The following NUF2 variants were observed in gnomAD, a reference collection of about 807,000 sequenced individuals.
The protein encoded by NUF2 is NUF2 component of NDC80 kinetochore complex.
A neutral mutation model predicts 61.8 loss-of-function variants in NUF2; 34 were observed. The observed-to-expected ratio is 0.55, with a 90% CI of 0.42 to 0.73. The LOEUF (loss-of-function observed/expected upper bound fraction) is 0.73, where lower values mean the gene tolerates loss of function less well. NUF2 is among the 30% of genes least tolerant of loss of function. The pLI is 0.00. For missense variants in NUF2, 445 were observed against 539.1 expected, an observed-to-expected ratio of 0.83 and a Z score of 1.73; for synonymous variants, 172 against 181.6, an observed-to-expected ratio of 0.95 and a Z score of 0.42.
intron 8 of NUF2, among the ~76,000 whole-genome samples, chr1:163,339,713 T>G (rs1650878815): frequency 6.6e-6 from 1 of 152,048 alleles, no homozygotes; most frequent in South Asian, 2.1e-4. Flanking sequence ...TTTTTAGGGT[T>G]TTCCTAGGTT....
intron 6 of NUF2, 147 bp downstream of exon 6, chr1:163,336,995 C>A (rs1571385051): frequency 3.4e-6 from 2 of 581,416 alleles, no homozygotes; most frequent in East Asian, 2.9e-5. Flanking sequence ...TATTAACTTG[C>A]AGATTTTAGT....
chr1:163,346,187 A>G (rs1406306359), intron 11 of NUF2: 1 of 152,576 alleles, frequency 6.6e-6, no homozygotes, highest in Non-Finnish European at 1.5e-5. Context: ...TCCTTTATGT[A>G]CATACCTATG....
Position 163,347,879 on chromosome 1 carries a change from A to T in NUF2, c.1065A>T (p.Ala355=). The change falls in exon 12 of 14, where the codon GCA becomes GCT. Residue 355 remains alanine, a synonymous_variant. Transcript: ENST00000271452. ...MIVKKEKLAT[A]QFKINKKHED... is the part of the protein sequence containing the mutation. ...TGAAGAAGGAAAAACTTGCCACAGC[A>T]CAATTCAAAATAAATAAGAAGCATG... 1 of 1,609,888 alleles carries T rather than the reference A, an allele frequency of 6.2e-7. No homozygotes were observed. Among genetic ancestry groups the T allele is most frequent in the South Asian group, 1.1e-5 (1 of 89,738 alleles).
chr1:163,345,081 A>G (rs1651077549), intron 10 of NUF2, among the ~76,000 whole-genome samples: 1 of 152,184 alleles, frequency 6.6e-6, no homozygotes, highest in Non-Finnish European at 1.5e-5. Flanking sequence ...GAACATAATT[A>G]CGGTGCATAT....
chr1:163,328,342 C>T (rs1261580522), intron 4 of NUF2, 38 bp downstream of exon 4: 12 of 1,256,766 alleles, frequency 9.5e-6, no homozygotes, highest in African/African-American at 3.0e-5. Context: ...CGTCTACATT[C>T]GTATTTATAT....
chr1:163,338,557 A>G (rs1266240085), intron 7 of NUF2, among the ~76,000 whole-genome samples: 5 of 152,054 alleles, frequency 3.3e-5, no homozygotes, highest in Admixed American at 2.6e-4. Context: ...TTCCTTATAT[A>G]TATATATTGA....
chr1:163,336,918 T>C, intron 6 of NUF2, 70 bp downstream of exon 6: 1 of 973,662 alleles, frequency 1.0e-6, no homozygotes, highest in Non-Finnish European at 1.6e-6. Context: ...ATAATCTGTT[T>C]TGAAATGATT....
intron 11 of NUF2, 136 bp downstream of exon 11, chr1:163,345,954 T>A: frequency 1.8e-6 from 1 of 552,810 alleles, no homozygotes; most frequent in Non-Finnish European, 3.0e-6. Flanking sequence ...TGTGGCAATG[T>A]ATGCTATGAA....
At chr1:163,325,983 T>C in intron 1 of NUF2, 49 bp from the exon 2 acceptor site, 3 of 1,437,002 alleles carry the variant, frequency 2.1e-6, no homozygotes, top group African/African-American at 1.4e-5. Flanking sequence ...TTCCAGATAA[T>C]GAGAACTACT....
At chr1:163,346,692 GA>G (rs1485466292) in intron 11 of NUF2, among the ~76,000 whole-genome samples, 1 of 152,074 alleles carries the variant, frequency 6.6e-6, no homozygotes, top group Non-Finnish European at 1.5e-5. Context: ...TATCTCTACA[GA>G]AAATTTTAAA....
intron 13 of NUF2, among the ~76,000 whole-genome samples, chr1:163,353,606 T>C (rs1457589411): frequency 6.6e-6 from 1 of 152,236 alleles, no homozygotes; most frequent in African/African-American, 2.4e-5. Flanking sequence ...ACTTTAAAAA[T>C]ATTTAACTTC....
intron 5 of NUF2, among the ~76,000 whole-genome samples, chr1:163,332,485 T>G (rs985450216): frequency 1.3e-5 from 2 of 152,104 alleles, no homozygotes; most frequent in African/African-American, 4.8e-5. Flanking sequence ...CTCCTGTAGT[T>G]CTAGTGGTCA....
In NUF2 at chr1:163,348,990, A is replaced by C; in HGVS notation, c.1170A>C (p.Arg390=). 1.2e-6 allele frequency: 2 copies of C among 1,611,298 alleles called. No homozygotes were observed. The highest frequency in any genetic ancestry group is 1.3e-5 in the African/African-American group (1 of 74,930). The change falls in exon 13 of 14, where the codon CGA becomes CGC. Residue 390 remains arginine, a synonymous_variant. Transcript: ENST00000271452. The part of the protein sequence containing the change: ...VQEKRGAVYE[R]VTTINQEIQK... ...AAAAAAGAGGTGCTGTCTATGAACG[A>C]GTAACCACAATTAATCAAGAAATCC...
intron 11 of NUF2, among the ~76,000 whole-genome samples, chr1:163,347,266 C>T (rs1398193891): frequency 6.6e-6 from 1 of 152,230 alleles, no homozygotes; most frequent in Non-Finnish European, 1.5e-5. Flanking sequence ...CAGGCTGCGC[C>T]TCCAGGATAA....
intron 13 of NUF2, among the ~76,000 whole-genome samples, chr1:163,349,461 C>G (rs1392951333): frequency 6.6e-6 from 1 of 151,976 alleles, no homozygotes; most frequent in Admixed American, 6.6e-5. Context: ...AGTGTTCTAC[C>G]AGAACAATAG....
rs1315160702 is a variant in NUF2 at position 163,345,744 on chromosome 1, G to A, written c.874G>A (p.Glu292Lys). 1 of 1,610,704 alleles carries A rather than the reference G, an allele frequency of 6.2e-7. No homozygotes were observed. The highest frequency in any genetic ancestry group is 1.3e-5 in the African/African-American group (1 of 74,930). Residue 292 changes from glutamate (E) to lysine (K), a missense_variant, in exon 11 of 14, where the codon GAA (glutamate) becomes AAA (lysine). Physicochemically the swap from Glu to Lys is moderately conservative, Grantham distance 56 (BLOSUM62 1). Transcript: ENST00000271452. Reference protein sequence around the residue: ...SVDCLPSCQLEVQLYQKKIQD... With the variant: ...SVDCLPSCQLKVQLYQKKIQD... ...TGACTGCCTGCCTTCATGTCAGTTG[G>A]AAGTGCAGTTATATCAAAAGAAAAT...
intron 5 of NUF2, among the ~76,000 whole-genome samples, chr1:163,330,951 A>G (rs1650576670): frequency 6.8e-6 from 1 of 147,442 alleles, no homozygotes; most frequent in African/African-American, 2.5e-5. Context: ...TAGATTCCTT[A>G]GGATTTTCCT....
chr1:163,341,077 A>G (rs956397456), intron 9 of NUF2, among the ~76,000 whole-genome samples: 23 of 152,186 alleles, frequency 1.5e-4, no homozygotes, highest in Admixed American at 6.5e-4. Flanking sequence ...AAAGATACCA[A>G]TTTATATTCC....
chr1:163,325,900 A>G, intron 1 of NUF2, 132 bp from the exon 2 acceptor site: 2 of 557,012 alleles, frequency 3.6e-6, no homozygotes, highest in South Asian at 3.0e-5. Context: ...TTATCTTACT[A>G]AGATATTTGA....
Sources: allele counts gnomAD v4.1 joint callset (sites outside exome capture counted in the v4.1 genomes callset), GRCh38; gene constraint gnomAD v4.1.1; transcripts MANE v1.5; gene names NCBI Gene and HGNC (gene_info 2026-07-23, HGNC 2026-07-21).